TRPC7: variants seen among roughly 807,000 people sequenced by gnomAD.
TRPC7 encodes the protein short transient receptor potential channel 7.
TRPC7 carries 42 observed loss-of-function variants against 90.1 expected under a neutral mutation model. The ratio of observed to expected loss-of-function variants is 0.47; its 90% CI spans 0.36 to 0.60. The LOEUF is 0.60. Among genes scored for constraint, TRPC7 ranks in the 20% least tolerant of loss-of-function variants. The probability of loss-of-function intolerance (pLI) is 0.00; values close to 1 mark genes in which losing one functional copy is unlikely to be tolerated. For missense variants in TRPC7, 955 were observed against 1,112.3 expected (o/e 0.86, Z 2.01); for synonymous variants, 451 against 436.3 (o/e 1.03, Z -0.42).
intron 1 of TRPC7, among the ~76,000 whole-genome samples, chr5:136,364,314 T>C (rs1384873429): frequency 6.6e-6 from 1 of 152,228 alleles, no homozygotes; most frequent in Non-Finnish European, 1.5e-5. Context: ...TAAATATTTA[T>C]GAAAGGGTAA....
chr5:136,317,474 C>A (rs931729538), intron 2 of TRPC7, among the ~76,000 whole-genome samples: 5 of 152,148 alleles, frequency 3.3e-5, no homozygotes, highest in African/African-American at 1.2e-4. Context: ...AGATCTTTTC[C>A]TGGCTAATAT....
chr5:136,290,366 C>G (rs980927359), intron 3 of TRPC7, among the ~76,000 whole-genome samples: 3 of 152,026 alleles, frequency 2.0e-5, no homozygotes, highest in Non-Finnish European at 4.4e-5. Flanking sequence ...GAAGTTCGAA[C>G]CAATGGCAAA....
At chr5:136,252,485 T>G (rs1473644353) in intron 5 of TRPC7, among the ~76,000 whole-genome samples, 1 of 152,218 alleles carries the variant, frequency 6.6e-6, no homozygotes, top group Admixed American at 6.5e-5. Context: ...AAGATATATG[T>G]CCTCATTGTT....
chr5:136,358,139 G>T (rs1760449785), intron 1 of TRPC7, among the ~76,000 whole-genome samples: 1 of 152,162 alleles, frequency 6.6e-6, no homozygotes, highest in South Asian at 2.1e-4. Flanking sequence ...GATGTGGCAG[G>T]GAGCAGGACT....
rs529246026 is a variant in TRPC7 at position 136,347,054 on chromosome 5, C to T, written c.780+9554G>A. Among the ~76,000 whole-genome samples, 7 of 152,138 alleles carry T rather than the reference C, an allele frequency of 4.6e-5. No homozygotes were observed. In the South Asian group the frequency reaches 1.2e-3, roughly 27 times the overall value. On this transcript the variant is annotated intron_variant, in intron 2 of 11. Coordinates refer to ENST00000513104, the MANE Select transcript of TRPC7 (RefSeq NM_020389.3). ...AACAGAGGCAGAGACTGGAGTGGTG[C>T]GTTGACAAGTCAAGGTTTGGCAGAA...
chr5:136,216,583 A>G (rs1755277061), intron 10 of TRPC7, among the ~76,000 whole-genome samples: 1 of 78,852 alleles, frequency 1.3e-5, no homozygotes, highest in Non-Finnish European at 2.6e-5. Context: ...CAGTGGCACA[A>G]ATCTCTGCTC....
chr5:136,331,007 G>C (rs1033042162), intron 2 of TRPC7, among the ~76,000 whole-genome samples: 2 of 152,194 alleles, frequency 1.3e-5, no homozygotes, highest in African/African-American at 4.8e-5. Context: ...CCCGCCAGCA[G>C]TGGCTGGGGG....
At chr5:136,215,207 AC>A (rs1755224725) in intron 11 of TRPC7, among the ~76,000 whole-genome samples, 1 of 152,014 alleles carries the variant, frequency 6.6e-6, no homozygotes. Context: ...GCGGCGGCAG[AC>A]CCTAAACGCA....
Position 136,274,706 on chromosome 5 carries a change from G to C in TRPC7, c.1095C>G (p.Leu365=), listed in dbSNP as rs766965185. The C allele has an allele frequency of 1.2e-6, 2 of 1,613,578 alleles. No homozygotes were observed. The highest frequency in any genetic ancestry group is 1.7e-6 in the Non-Finnish European group (2 of 1,179,756). The change falls in exon 4 of 12, where the codon CTC becomes CTG. Residue 365 remains leucine, a synonymous_variant. Coordinates refer to ENST00000513104, the MANE Select transcript of TRPC7 (RefSeq NM_020389.3). ...ACGGAGCAATCCAATAGGCTATGGC[G>C]AGAAAAGGGAGGCCTATGGAGACTC... is the stretch of plus-strand genomic sequence containing the variant. The part of the protein sequence containing the change: ...VFGVSIGLPF[L]AIAYWIAPCS...
At position 136,349,634 on chromosome 5, in the gene TRPC7, C is replaced by G. The variant is rs565517890; in HGVS notation, c.780+6974G>C. ...TTACTGAACTAATATTTACTTAATA[C>G]TATATGTGCCAGGATTTTCTGGAGG... On this transcript the variant is annotated intron_variant, in intron 2 of 11. Coordinates refer to ENST00000513104, the MANE Select transcript of TRPC7 (RefSeq NM_020389.3). 1.7e-4 allele frequency among the ~76,000 whole-genome samples: 26 copies of G among 152,294 alleles called. No homozygotes were observed. The Middle Eastern group carries it at 0.014, about 80-fold the overall frequency.
chr5:136,338,100 GA>G (rs1759724456), intron 2 of TRPC7, among the ~76,000 whole-genome samples: 1 of 152,048 alleles, frequency 6.6e-6, no homozygotes, highest in Non-Finnish European at 1.5e-5. Flanking sequence ...TGGCCCTTCT[GA>G]ATTTTCAAAG....
intron 4 of TRPC7, among the ~76,000 whole-genome samples, chr5:136,267,442 T>C (rs1201006788): frequency 6.6e-6 from 1 of 152,192 alleles, no homozygotes; most frequent in Non-Finnish European, 1.5e-5. Context: ...AGGTAGATAT[T>C]CAATTATAAC....
chr5:136,326,664 C>T (rs78431414), intron 2 of TRPC7, among the ~76,000 whole-genome samples: 50,186 of 151,996 alleles, frequency 0.33, 9,274 homozygotes, highest in Admixed American at 0.46. Flanking sequence ...AGAATGAGGT[C>T]AGTTAATGTG....
chr5:136,331,039 G>A (rs781554574), intron 2 of TRPC7, among the ~76,000 whole-genome samples: 1 of 152,154 alleles, frequency 6.6e-6, no homozygotes. Context: ...TCATTCCTCA[G>A]GTATAGAGAG....
chr5:136,286,810 G>A (rs989957708), intron 3 of TRPC7, among the ~76,000 whole-genome samples: 4 of 152,018 alleles, frequency 2.6e-5, no homozygotes, highest in East Asian at 3.9e-4. Flanking sequence ...CTCCTTCCTC[G>A]GTCTTCATCT....
intron 5 of TRPC7, among the ~76,000 whole-genome samples, chr5:136,258,937 C>A (rs1756769612): frequency 6.6e-6 from 1 of 152,210 alleles, no homozygotes; most frequent in African/African-American, 2.4e-5. Context: ...CAAGTCCTAA[C>A]ATCAAAACAC....
chr5:136,213,178 C>A lies in TRPC7; in HGVS notation c.*257G>T. On this transcript the variant is annotated 3_prime_UTR_variant, in exon 12 of 12. Coordinates refer to ENST00000513104, the MANE Select transcript of TRPC7 (RefSeq NM_020389.3). ...TTCACTGTGGCTGGACCAAAGGTCT[C>A]ACACTCGTCAGGGGGCTGTTCCTCC... The A allele has an allele frequency of 4.2e-6, 2 of 476,514 alleles. No homozygotes were observed. Among genetic ancestry groups the A allele is most frequent in the Non-Finnish European group, 7.6e-6 (2 of 264,400 alleles). 29.5% of individuals were successfully genotyped at this position (476,514 alleles called of 1,614,324 possible). A position where few individuals can be genotyped will look rare whatever the true frequency, so the allele number is the denominator to read the frequency against.
chr5:136,295,877 G>A (rs1477580894), intron 3 of TRPC7, among the ~76,000 whole-genome samples: 1 of 152,116 alleles, frequency 6.6e-6, no homozygotes, highest in Non-Finnish European at 1.5e-5. Flanking sequence ...TTGCCTTTAG[G>A]CCCTCATCAC....
At chr5:136,360,149 C>A (rs944241987) in intron 1 of TRPC7, among the ~76,000 whole-genome samples, 1 of 152,136 alleles carries the variant, frequency 6.6e-6, no homozygotes, top group Non-Finnish European at 1.5e-5. Flanking sequence ...ACTACTGAAC[C>A]AAGTCATAGC....
Sources: gnomAD v4.1 joint callset for allele counts (sites outside exome capture counted in the v4.1 genomes callset) on GRCh38, gnomAD v4.1.1 for gene constraint, MANE v1.5 for transcripts, NCBI Gene and HGNC (gene_info 2026-07-23, HGNC 2026-07-21) for gene names.